URB1: variants seen among roughly 807,000 people sequenced by gnomAD.
URB1 encodes nucleolar pre-ribosomal-associated protein 1.
In URB1, 197 loss-of-function variants were observed where a neutral mutation model predicts 242.3. The ratio of observed to expected loss-of-function variants is 0.81; its 90% CI spans 0.72 to 0.91. The LOEUF is 0.91. Among genes scored for constraint, URB1 ranks in the 40% least tolerant of loss-of-function variants. The probability of loss-of-function intolerance (pLI) is 0.00; values close to 1 mark genes in which losing one functional copy is unlikely to be tolerated. For synonymous variants in URB1, 1,153 were observed against 1,201.8 expected (o/e 0.96, Z 0.84); for missense variants, 2,721 against 2,860.5 (o/e 0.95, Z 1.11).
rs1215312340 is a variant in URB1 at position 32,345,387 on chromosome 21, T to C, written c.4057A>G (p.Ser1353Gly). 9 of 1,550,780 alleles carry C rather than the reference T, an allele frequency of 5.8e-6. No individual in the cohort carries two copies. The highest frequency in any genetic ancestry group is 2.4e-5 in the South Asian group (2 of 83,998). ...GAGCCTTCATACCTCTTGTGACTGC[T>C]TGGGGTGTGAAGCAAGCTGGGCAGG... ...DRLPSLLHTPSSHKRWIVADS... is the reference protein window; with the variant it reads ...DRLPSLLHTPGSHKRWIVADS... Residue 1353 changes from serine (S) to glycine (G), a missense_variant, in exon 23 of 39, where the codon AGC becomes GGC. Transcript: ENST00000382751.
intron 13 of URB1, among the ~76,000 whole-genome samples, chr21:32,360,169 A>G (rs2033267714): frequency 6.6e-6 from 1 of 152,070 alleles, no homozygotes; most frequent in Non-Finnish European, 1.5e-5. Flanking sequence ...CACAGCCCAC[A>G]CTGACCCCAA....
Position 32,311,945 on chromosome 21 carries a change from C to T in URB1, c.*2973G>A, listed in dbSNP as rs755878119. ...TCAATGGGGGTCCCCTCGTCAGGAGCAAGCCCAGCGAGCCTCCCCCTGGAG... is the reference window on the plus strand; with the variant it reads ...TCAATGGGGGTCCCCTCGTCAGGAGTAAGCCCAGCGAGCCTCCCCCTGGAG... On this transcript the variant is annotated 3_prime_UTR_variant, in exon 39 of 39. Coordinates refer to ENST00000382751, the MANE Select transcript of URB1 (RefSeq NM_014825.3). 4 of 1,613,606 alleles carry T rather than the reference C, an allele frequency of 2.5e-6. No individual in the cohort carries two copies. In the Admixed American group the frequency reaches 6.7e-5, roughly 27 times the overall value.
At chr21:32,360,942 C>T (rs537928738) in intron 13 of URB1, 65 bp downstream of exon 13, 2 of 1,185,650 alleles carry the variant, frequency 1.7e-6, no homozygotes, top group East Asian at 2.7e-5. Flanking sequence ...TTCTTGGCTG[C>T]AGGGCTCTGC....
rs1273291752 is a variant in URB1, at chr21:32,338,843, CA to C, written c.4373del (p.Leu1458ArgfsTer20). On this transcript the variant is annotated frameshift_variant, in exon 26 of 39. Transcript: ENST00000382751. LOFTEE classifies it high-confidence loss of function. ...TGCGCACGGAGCTTTCTGGGCTGTA[CA>C]GGAGCTGTACGGCGGTGAGGAGCAT... ...LKMLLTAVQL[L>X]YSPESSVRTK... The C allele has an allele frequency of 9.0e-5, 140 of 1,551,548 alleles. No individual in the cohort carries two copies. The highest frequency in any genetic ancestry group is 1.2e-4 in the Non-Finnish European group (135 of 1,147,010).
chr21:32,349,599 G>T, intron 20 of URB1, 116 bp from the exon 21 acceptor site: 1 of 1,044,396 alleles, frequency 9.6e-7, no homozygotes, highest in Non-Finnish European at 1.3e-6. Context: ...GGCTGAGATG[G>T]CAACTCCTCA....
At chr21:32,350,110 C>T (rs1347270428) in intron 20 of URB1, among the ~76,000 whole-genome samples, 5 of 121,518 alleles carry the variant, frequency 4.1e-5, no homozygotes, top group Non-Finnish European at 1.6e-5. Flanking sequence ...GCAACAAGAG[C>T]GAAACTCTGT....
In URB1 at chr21:32,378,510, T is replaced by C. The variant is rs1253653393; in HGVS notation, c.599A>G (p.Gln200Arg). ...GVYDVRQAYVQFALSFLIAGD... is the reference protein window; with the variant it reads ...GVYDVRQAYVRFALSFLIAGD... ...CGCAATTAAAAAGGAGAGAGCAAAC[T>C]GAACGTAGGCCTGCCGAACGTCGTA... Residue 200 changes from glutamine to arginine, a missense_variant, in exon 5 of 39, where the codon CAG (glutamine) becomes CGG (arginine). Coordinates refer to ENST00000382751, the MANE Select transcript of URB1 (RefSeq NM_014825.3). 1.3e-6 allele frequency: 2 copies of C among 1,551,712 alleles called. No individual in the cohort carries two copies. The highest frequency in any genetic ancestry group is 1.2e-5 in the South Asian group (1 of 84,064).
In URB1 at chr21:32,350,881, G is replaced by C. The variant is rs2033149532; in HGVS notation, c.2655C>G (p.Pro885=). ...GCAGGGCTGTGAAGGACGAGGCCAAGGGAAGGGCAGGGGGCGAGGGGCTGC... is the reference window on the plus strand; with the variant it reads ...GCAGGGCTGTGAAGGACGAGGCCAACGGAAGGGCAGGGGGCGAGGGGCTGC... ...AQGSPSPPAL[P]LASSFTALLQ... The change falls in exon 20 of 39, where the codon CCC becomes CCG. Residue 885 remains proline, a synonymous_variant. Transcript: ENST00000382751. 1.3e-6 allele frequency: 2 copies of C among 1,550,050 alleles called. No homozygotes were observed. The highest frequency in any genetic ancestry group is 2.4e-5 in the South Asian group (2 of 84,006).
At chr21:32,345,988 TGGAGGTGGGGTCTAATG>T (rs1021027188) in intron 22 of URB1, among the ~76,000 whole-genome samples, 18 of 152,168 alleles carry the variant, frequency 1.2e-4, no homozygotes, top group African/African-American at 4.3e-4. Context: ...TCTCCAGTGT[TGGAGGTGGGGTCTAATG>T]GGAGGTGTTT....
chr21:32,317,881 G>C lies in URB1; in HGVS notation c.5829C>G (p.Phe1943Leu), dbSNP rs751637719. The C allele has an allele frequency of 1.3e-6, 2 of 1,551,762 alleles. No individual in the cohort carries two copies. Among genetic ancestry groups the C allele is most frequent in the Middle Eastern group, 1.7e-4 (1 of 5,992 alleles). Residue 1943 changes from phenylalanine (F) to leucine (L), a missense_variant, in exon 37 of 39, where the codon TTC becomes TTG. By Grantham distance (22) the Phe-to-Leu change is conservative. Transcript: ENST00000382751. ...TLAPVQLTNF[F>L]GTLDSVLRYR... ...ACCTCAGCACGGAGTCAAGTGTCCC[G>C]AAGAAGTTGGTCAGCTGGACGGGGG...
At position 32,324,605 on chromosome 21, in the gene URB1, TG is replaced by T. The variant is rs2032806561; in HGVS notation, c.5122-4del. On this transcript the variant is annotated splice_polypyrimidine_tract_variant and splice_region_variant and intron_variant, in intron 31 of 38. Transcript: ENST00000382751. ...ACTACATCCAACAGGTAAAGTAGCTTGAAAACAGAACAGAAAAGGAAAATGT... is the reference window on the plus strand; with the variant it reads ...ACTACATCCAACAGGTAAAGTAGCTTAAAACAGAACAGAAAAGGAAAATGT... 5.8e-6 allele frequency: 9 copies of T among 1,548,510 alleles called. No individual in the cohort carries two copies. The highest frequency in any genetic ancestry group is 7.0e-6 in the Non-Finnish European group (8 of 1,144,094).
At chr21:32,329,249 G>C (rs1471851034) in intron 30 of URB1, among the ~76,000 whole-genome samples, 1 of 152,190 alleles carries the variant, frequency 6.6e-6, no homozygotes, top group African/African-American at 2.4e-5. Flanking sequence ...CTAGGTGACA[G>C]AGTGAGACCC....
chr21:32,342,863 CTTT>C (rs1050325210), intron 24 of URB1, among the ~76,000 whole-genome samples: 3 of 152,088 alleles, frequency 2.0e-5, no homozygotes, highest in African/African-American at 7.2e-5. Context: ...TCACAGCATT[CTTT>C]ATCATAATAA....
At chr21:32,329,119 T>C (rs376580994) in intron 30 of URB1, among the ~76,000 whole-genome samples, 1 of 132,194 alleles carries the variant, frequency 7.6e-6, no homozygotes, top group South Asian at 2.5e-4. Context: ...AAAAAAAAAA[T>C]TAGCTAGGCA....
At chr21:32,325,553 A>C (rs924387495) in intron 30 of URB1, among the ~76,000 whole-genome samples, 164 bp from the exon 31 acceptor site, 1 of 152,210 alleles carries the variant, frequency 6.6e-6, no homozygotes, top group Admixed American at 6.5e-5. Context: ...CTGAAGTTAG[A>C]CAAAAAAACC....
chr21:32,315,018 A>G lies in URB1; in HGVS notation c.6716T>C (p.Val2239Ala), dbSNP rs2032659328. The G allele has an allele frequency of 4.5e-6, 7 of 1,551,628 alleles. No individual in the cohort carries two copies. Among genetic ancestry groups the G allele is most frequent in the Non-Finnish European group, 6.1e-6 (7 of 1,146,978 alleles). ...AQRPDTLLTH[V>A]RMVCEAADDA... The stretch of plus-strand genomic sequence containing the variant: ...ATCTGCGGCCTCACACACCATCCGG[A>G]CGTGGGTTAAGAGGGTGTCCGGCCG... Residue 2239 changes from valine (V) to alanine (A), a missense_variant, in exon 39 of 39, where the codon GTC becomes GCC. Transcript: ENST00000382751.
intron 8 of URB1, among the ~76,000 whole-genome samples, chr21:32,369,944 C>T (rs1171876709): frequency 4.1e-5 from 6 of 146,154 alleles, no homozygotes; most frequent in Non-Finnish European, 8.9e-5. Context: ...CCACTGCCTT[C>T]CATCCTGAAC....
At position 32,354,955 on chromosome 21, in the gene URB1, T is replaced by G; in HGVS notation, c.2149A>C (p.Lys717Gln). 6.4e-7 allele frequency: 1 copy of G among 1,552,244 alleles called. No individual in the cohort carries two copies. The highest frequency in any genetic ancestry group is 8.7e-7 in the Non-Finnish European group (1 of 1,147,108). The change falls in exon 17 of 39, where the codon AAA becomes CAA. Residue 717 changes from lysine to glutamine, a missense_variant. Lys to Gln is a moderately conservative substitution (Grantham distance 53). Transcript: ENST00000382751. ...GCTTCTTGGACAAAGTCAGATGCTTTGTCTGTGTATGAATAGGGATTCGCC... is the reference window on the plus strand; with the variant it reads ...GCTTCTTGGACAAAGTCAGATGCTTGGTCTGTGTATGAATAGGGATTCGCC... ...LVANPYSYTD[K>Q]ASDFVQEASM...
chr21:32,320,258 C>T (rs1448795785), intron 35 of URB1, among the ~76,000 whole-genome samples: 1 of 152,212 alleles, frequency 6.6e-6, no homozygotes, highest in Non-Finnish European at 1.5e-5. Flanking sequence ...GACAGGCTGG[C>T]GGAGACTCTG....
Sources: allele counts gnomAD v4.1 joint callset (sites outside exome capture counted in the v4.1 genomes callset), GRCh38; gene constraint gnomAD v4.1.1; transcripts MANE v1.5; gene names NCBI Gene and HGNC (gene_info 2026-07-23, HGNC 2026-07-21).